The following RANBP3 variants were observed in gnomAD, a reference collection of about 807,000 sequenced individuals.
RANBP3 encodes RAN binding protein 3, also known as ran-binding protein 3.
RANBP3 carries 14 observed loss-of-function variants against 77.3 expected under a neutral mutation model. The ratio of observed to expected loss-of-function variants is 0.18; its 90% CI spans 0.12 to 0.28. RANBP3 has a LOEUF of 0.28. RANBP3 is among the 10% of genes least tolerant of loss of function. The probability of loss-of-function intolerance (pLI) is 1.00; values close to 1 mark genes in which losing one functional copy is unlikely to be tolerated. For synonymous variants in RANBP3, 315 were observed against 312.4 expected (o/e 1.01, Z -0.09); for missense variants, 586 against 752.3 (o/e 0.78, Z 2.59).
intron 5 of RANBP3, among the ~76,000 whole-genome samples, chr19:5,934,871 TG>T (rs1163611382): frequency 1.3e-5 from 2 of 151,968 alleles, no homozygotes; most frequent in Non-Finnish European, 2.9e-5. Context: ...AAATTAAAGG[TG>T]TAAATCAAAA....
chr19:5,933,397 G>C lies in RANBP3; in HGVS notation c.472+17C>G. 2 of 1,600,386 alleles carry C rather than the reference G, an allele frequency of 1.2e-6. No homozygotes were observed. Among genetic ancestry groups the C allele is most frequent in the Non-Finnish European group, 1.7e-6 (2 of 1,173,310 alleles). On this transcript the variant is annotated intron_variant, in intron 6 of 16. Transcript: ENST00000340578. ...GTCAGAGAGCCACCCCCCGCCCCAG[G>C]GAGGTAGACGACCTACCTGCGCTGG...
In RANBP3 at chr19:5,923,802, G is replaced by A. The variant is rs778149623; in HGVS notation, c.1099+10C>T. On this transcript the variant is annotated intron_variant, in intron 12 of 16. Transcript: ENST00000340578. ...CATGAGCCCCATGCTGTGGTGGGACGCTAACATACCTTTCTCAGGGGTGGC... is the reference window on the plus strand; with the variant it reads ...CATGAGCCCCATGCTGTGGTGGGACACTAACATACCTTTCTCAGGGGTGGC... The A allele has an allele frequency of 1.3e-5, 20 of 1,596,452 alleles. No individual in the cohort carries two copies. Among genetic ancestry groups the A allele is most frequent in the Admixed American group, 1.7e-5 (1 of 59,940 alleles).
intron 1 of RANBP3, among the ~76,000 whole-genome samples, chr19:5,961,171 C>T (rs532144838): frequency 6.6e-6 from 1 of 152,204 alleles, no homozygotes; most frequent in East Asian, 1.9e-4. Context: ...TGGCCGGGCG[C>T]GGTGGCTCAC....
intron 1 of RANBP3, among the ~76,000 whole-genome samples, chr19:5,968,909 C>T (rs912887188): frequency 3.9e-5 from 6 of 152,236 alleles, no homozygotes; most frequent in African/African-American, 1.4e-4. Context: ...GCAGAGATAA[C>T]TGGGTAGTTC....
Position 5,918,557 on chromosome 19 carries a change from T to G in RANBP3, c.1412A>C (p.Lys471Thr), listed in dbSNP as rs775392290. ...GTCCATGGCTGTGATGCGAATGCTC[T>G]TCTCGCTGGCCTTGTCGATCTGCAT... Reference protein sequence around the residue: ...AQMQIDKASEKSIRITAMDTE... With the variant: ...AQMQIDKASETSIRITAMDTE... Residue 471 changes from lysine (K) to threonine (T), a missense_variant, in exon 15 of 17, where the codon AAG (lysine) becomes ACG (threonine). By Grantham distance (78) the Lys-to-Thr change is moderately conservative (BLOSUM62 -1). Coordinates refer to ENST00000340578, the MANE Select transcript of RANBP3 (RefSeq NM_007322.3). 2.5e-6 allele frequency: 4 copies of G among 1,613,402 alleles called. No individual in the cohort carries two copies. The highest frequency in any genetic ancestry group is 3.4e-6 in the Non-Finnish European group (4 of 1,179,898).
intron 1 of RANBP3, among the ~76,000 whole-genome samples, chr19:5,963,934 T>C (rs1047751939): frequency 4.6e-5 from 7 of 152,162 alleles, no homozygotes; most frequent in Admixed American, 1.3e-4. Flanking sequence ...AGCCCAACAA[T>C]TGTGATCCTG....
At chr19:5,932,390 G>A in intron 7 of RANBP3, 62 bp downstream of exon 7, 2 of 1,351,506 alleles carry the variant, frequency 1.5e-6, no homozygotes, top group Non-Finnish European at 1.1e-6. Flanking sequence ...TGTCCCGGGT[G>A]CGACTTCGGG....
At position 5,916,446 on chromosome 19, in the gene RANBP3, C is replaced by CA. The variant is rs1395037270; in HGVS notation, c.*1163dup. The CA allele has an allele frequency of 1.9e-4, 29 of 152,416 alleles. No individual in the cohort carries two copies. The highest frequency in any genetic ancestry group is 6.3e-4 in the African/African-American group (26 of 41,574). 9.4% of individuals were successfully genotyped at this position (152,416 alleles called of 1,614,324 possible). On this transcript the variant is annotated 3_prime_UTR_variant, in exon 17 of 17. Coordinates refer to ENST00000340578, the MANE Select transcript of RANBP3 (RefSeq NM_007322.3). Reference sequence around the variant, plus strand: ...TGAAGTCCCAAAGAGGCCCTGTGCCCAGGGGACCTCCTCCTCGGCCTCCCA... The same window carrying CA: ...TGAAGTCCCAAAGAGGCCCTGTGCCCAAGGGGACCTCCTCCTCGGCCTCCCA...
chr19:5,923,858 G>C lies in RANBP3; in HGVS notation c.1053C>G (p.Ala351=). The C allele has an allele frequency of 6.2e-7, 1 of 1,614,110 alleles. No individual in the cohort carries two copies. The highest frequency in any genetic ancestry group is 8.5e-7 in the Non-Finnish European group (1 of 1,180,000). The part of the protein sequence containing the change: ...SSDANRENAA[A]ESGSESSSQE... ...GGGACGAGGACTCAGACCCTGACTC[G>C]GCAGCTGCATTTTCCCTGTTGGCAT... The change falls in exon 12 of 17, where the codon GCC becomes GCG. Residue 351 remains alanine, a synonymous_variant. Coordinates refer to ENST00000340578, the MANE Select transcript of RANBP3 (RefSeq NM_007322.3).
Position 5,958,078 on chromosome 19 carries a change from G to A in RANBP3, c.23-105C>T. 1 of 1,018,426 alleles carries A rather than the reference G, an allele frequency of 9.8e-7. No homozygotes were observed. Among genetic ancestry groups the A allele is most frequent in the Non-Finnish European group, 1.5e-6 (1 of 670,858 alleles). 63.1% of individuals were successfully genotyped at this position (1,018,426 alleles called of 1,614,324 possible). On this transcript the variant is annotated intron_variant, in intron 1 of 16. Coordinates refer to ENST00000340578, the MANE Select transcript of RANBP3 (RefSeq NM_007322.3). The surrounding 1 kb of genome is among the most constrained non-coding windows in gnomAD (Gnocchi z 4.4). ...TTAAACATATATATAAATGAAACTAGTAACTCCAGAGAACATCAAATCACT... is the reference window on the plus strand; with the variant it reads ...TTAAACATATATATAAATGAAACTAATAACTCCAGAGAACATCAAATCACT...
chr19:5,967,895 T>C (rs570887230), intron 1 of RANBP3, among the ~76,000 whole-genome samples: 1 of 152,124 alleles, frequency 6.6e-6, no homozygotes, highest in Non-Finnish European at 1.5e-5. Context: ...GTGGGATATG[T>C]AATCCCAGCT....
intron 9 of RANBP3, among the ~76,000 whole-genome samples, chr19:5,927,233 G>A (rs898272648): frequency 6.6e-6 from 1 of 152,232 alleles, no homozygotes; most frequent in South Asian, 2.1e-4. Context: ...CATGGTCCAG[G>A]GCCACTGTTT....
chr19:5,923,616 G>C (rs1475997134), intron 12 of RANBP3, among the ~76,000 whole-genome samples, 196 bp downstream of exon 12: 1 of 152,168 alleles, frequency 6.6e-6, no homozygotes, highest in Non-Finnish European at 1.5e-5. Context: ...ACGGCCACAA[G>C]GCGACACAGG....
intron 3 of RANBP3, among the ~76,000 whole-genome samples, chr19:5,945,253 C>T (rs566373354): frequency 1.8e-4 from 28 of 152,370 alleles, no homozygotes; most frequent in African/African-American, 5.5e-4. Flanking sequence ...AACTGGTCCC[C>T]GAGCTCCCTC....
At chr19:5,938,723 TTAAACA>T (rs2058096692) in intron 5 of RANBP3, among the ~76,000 whole-genome samples, 1 of 152,206 alleles carries the variant, frequency 6.6e-6, no homozygotes, top group South Asian at 2.1e-4. Flanking sequence ...GAAGCTGTGA[TTAAACA>T]TATTTATCTA....
At chr19:5,969,902 C>G (rs1416933249) in intron 1 of RANBP3, among the ~76,000 whole-genome samples, 1 of 152,182 alleles carries the variant, frequency 6.6e-6, no homozygotes, top group Admixed American at 6.5e-5. Context: ...GCCAAAAGGC[C>G]AGAATAGAAA....
intron 1 of RANBP3, among the ~76,000 whole-genome samples, chr19:5,960,513 G>A (rs189131375): frequency 3.5e-4 from 54 of 152,308 alleles, no homozygotes; most frequent in African/African-American, 1.2e-3. Context: ...TAAGATCCGA[G>A]ACTGCTTTGT....
At chr19:5,928,531 G>A (rs1411028161) in intron 8 of RANBP3, 1 of 154,048 alleles carries the variant, frequency 6.5e-6, no homozygotes, top group African/African-American at 2.4e-5. Context: ...GCAGCTTGTG[G>A]GACACGGAAG....
chr19:5,941,763 A>G, intron 4 of RANBP3, 36 bp downstream of exon 4: 1 of 1,612,476 alleles, frequency 6.2e-7, no homozygotes, highest in Non-Finnish European at 8.5e-7. Context: ...TGTCTTTAAA[A>G]CTGAAGATGG....
Sources: gnomAD v4.1 joint callset for allele counts (sites outside exome capture counted in the v4.1 genomes callset) on GRCh38, gnomAD v4.1.1 for gene constraint, Gnocchi (gnomAD v3.1) non-coding constraint, MANE v1.5 for transcripts, NCBI Gene and HGNC (gene_info 2026-07-23, HGNC 2026-07-21) for gene names.